Variants in CHD1L observed in about 807,000 individuals in gnomAD.
CHD1L encodes the protein chromodomain helicase DNA binding protein 1 like.
Under a neutral mutation model 115.9 loss-of-function variants are expected in CHD1L, and 118 were observed. That is an observed-to-expected ratio of 1.02 (90% confidence interval 0.88 to 1.19). The LOEUF is 1.19. Among genes scored for constraint, CHD1L ranks in the 50% most tolerant of loss-of-function variants. The pLI, the probability that CHD1L is intolerant of heterozygous loss-of-function variation, is 0.00. For synonymous variants in CHD1L, 411 were observed against 387.1 expected (o/e 1.06, Z -0.72); for missense variants, 1,179 against 1,065.3 (o/e 1.11, Z -1.49).
the CHD1L span, chr1:147,186,780 C>A: frequency 1.4e-6 from 2 of 1,479,248 alleles, no homozygotes; most frequent in Middle Eastern, 2.5e-4. Context: ...TTAATGCTTT[C>A]GAAAGAGACA....
chr1:147,174,818 GAGGAA>G, the CHD1L span: 1 of 151,996 alleles, frequency 6.6e-6, no homozygotes, highest in African/African-American at 2.4e-5. Context: ...TTTCTTTCTA[GAGGAA>G]AGGAAAAGAA....
Position 147,295,637 on chromosome 1 carries a change from C to T in CHD1L, c.*128C>T. 1.4e-6 allele frequency: 1 copy of T among 698,586 alleles called. No homozygotes were observed. The highest frequency in any genetic ancestry group is 2.3e-6 in the Non-Finnish European group (1 of 434,674). The allele number at this position is 698,586 out of a possible 1,614,324, so 43.3% of individuals were successfully genotyped here. On this transcript the variant is annotated 3_prime_UTR_variant, in exon 23 of 23. Coordinates refer to ENST00000369258, the MANE Select transcript of CHD1L (RefSeq NM_004284.6). ...CAGAAATTGTCTCTTTTCTGAGTTTCAGTTTGGTTCTCCTGGATGTTTTGC... is the reference window on the plus strand; with the variant it reads ...CAGAAATTGTCTCTTTTCTGAGTTTTAGTTTGGTTCTCCTGGATGTTTTGC...
intron 4 of CHD1L, among the ~76,000 whole-genome samples, chr1:147,256,313 TA>T (rs751661240): frequency 8.5e-4 from 130 of 152,258 alleles, no homozygotes; most frequent in Middle Eastern, 3.4e-3. Context: ...TTTTTCAGTC[TA>T]AGACAGTGTG....
chr1:147,183,167 C>T, the CHD1L span, among the ~76,000 whole-genome samples: 2 of 152,084 alleles, frequency 1.3e-5, no homozygotes, highest in African/African-American at 2.4e-5. Flanking sequence ...CACTGCACTC[C>T]AGCCTGGGCG....
At chr1:147,274,555 G>T (rs1553955915) in intron 12 of CHD1L, among the ~76,000 whole-genome samples, 1 of 152,122 alleles carries the variant, frequency 6.6e-6, no homozygotes, top group African/African-American at 2.4e-5. Context: ...CTGGCAAGAG[G>T]GAGTCTGTTT....
the CHD1L span, among the ~76,000 whole-genome samples, chr1:147,220,228 GTATAAACATAACAAAATATGTATAGGATT>G: frequency 6.6e-6 from 1 of 152,092 alleles, no homozygotes; most frequent in African/African-American, 2.4e-5. Flanking sequence ...ACATACGTAG[GTATAAACATAACAAAATATGTATAGGATT>G]TATAAGCATG....
intron 10 of CHD1L, among the ~76,000 whole-genome samples, chr1:147,269,620 G>C (rs886613171): frequency 7.8e-6 from 1 of 128,624 alleles, no homozygotes; most frequent in Non-Finnish European, 1.5e-5. Flanking sequence ...AGTGAGCCAA[G>C]ATCATGCCAC....
In CHD1L at chr1:147,291,548, A is replaced by C. The variant is rs1449356648; in HGVS notation, c.2387A>C (p.Asp796Ala). ...DDKESRNKGQDLLALIVAQHR... is the reference protein window; with the variant it reads ...DDKESRNKGQALLALIVAQHR... ...AAAGAATCAAGAAACAAAGGGCAAGATTTGGTAAGTAAAACCCATCTCTTC... is the reference window on the plus strand; with the variant it reads ...AAAGAATCAAGAAACAAAGGGCAAGCTTTGGTAAGTAAAACCCATCTCTTC... The change falls in exon 20 of 23, where the codon GAT becomes GCT. Residue 796 changes from aspartate (D) to alanine (A), a missense_variant. Asp to Ala is a moderately radical substitution (Grantham distance 126). Coordinates refer to ENST00000369258, the MANE Select transcript of CHD1L (RefSeq NM_004284.6). The C allele has an allele frequency of 5.0e-6, 8 of 1,613,290 alleles. No individual in the cohort carries two copies. The highest frequency in any genetic ancestry group is 1.3e-5 in the African/African-American group (1 of 74,884).
chr1:147,188,138 GA>G, the CHD1L span, among the ~76,000 whole-genome samples: 1 of 152,144 alleles, frequency 6.6e-6, no homozygotes, highest in Admixed American at 6.5e-5. Flanking sequence ...AAACAGTAAA[GA>G]ATTTGAGAGC....
At chr1:147,210,234 T>C in the CHD1L span, 2 of 152,218 alleles carry the variant, frequency 1.3e-5, no homozygotes, top group Admixed American at 6.5e-5. Context: ...AAATGTTTGA[T>C]TGATTATTTA....
At chr1:147,270,836 T>C in intron 10 of CHD1L, 96 bp from the exon 11 acceptor site, 1 of 967,778 alleles carries the variant, frequency 1.0e-6, no homozygotes, top group Non-Finnish European at 1.6e-6. Flanking sequence ...TTGGTATTTA[T>C]TTATAAACTT....
the CHD1L span, among the ~76,000 whole-genome samples, chr1:147,174,124 T>C: frequency 0.037 from 5,614 of 152,216 alleles, 148 homozygotes; most frequent in South Asian, 0.095. Context: ...TTGCTCTGCC[T>C]CTTATAAACT....
At chr1:147,258,382 C>T (rs1670804757) in intron 5 of CHD1L, among the ~76,000 whole-genome samples, 1 of 152,160 alleles carries the variant, frequency 6.6e-6, no homozygotes, top group African/African-American at 2.4e-5. Flanking sequence ...TTTTTGGACA[C>T]CTAAATGTCT....
At chr1:147,189,982 C>A in the CHD1L span, among the ~76,000 whole-genome samples, 1 of 152,130 alleles carries the variant, frequency 6.6e-6, no homozygotes, top group Admixed American at 6.5e-5. Context: ...TAAAACTTTT[C>A]TCTCTTTTCT....
the CHD1L span, chr1:147,179,205 C>T: frequency 1.2e-6 from 2 of 1,613,732 alleles, no homozygotes; most frequent in African/African-American, 1.3e-5. Flanking sequence ...TGAAGAGATA[C>T]CTGAAGTCTG....
the CHD1L span, among the ~76,000 whole-genome samples, chr1:147,211,970 T>C: frequency 6.6e-6 from 1 of 152,178 alleles, no homozygotes; most frequent in Non-Finnish European, 1.5e-5. Context: ...AGTGAAAAGT[T>C]TCCAATGATC....
intron 2 of CHD1L, among the ~76,000 whole-genome samples, chr1:147,253,799 A>G (rs920014333): frequency 2.0e-5 from 3 of 152,248 alleles, no homozygotes; most frequent in Non-Finnish European, 2.9e-5. Flanking sequence ...CACCCAGCCC[A>G]TGGTTGAAAT....
chr1:147,284,539 C>G lies in CHD1L; in HGVS notation c.1854+40C>G, dbSNP rs782676760. The G allele has an allele frequency of 2.1e-6, 3 of 1,462,964 alleles. No individual in the cohort carries two copies. The South Asian group carries it at 4.1e-5, about 20-fold the overall frequency. 90.6% of individuals were successfully genotyped at this position (1,462,964 alleles called of 1,614,324 possible). A position where few individuals can be genotyped will look rare whatever the true frequency, so the allele number is the denominator to read the frequency against. ...TTTATTTAAAAGTTGTTCTTCCAAA[C>G]TCTCATTCTAAAACAAACAAAAAAA... On this transcript the variant is annotated intron_variant, in intron 16 of 22. Coordinates refer to ENST00000369258, the MANE Select transcript of CHD1L (RefSeq NM_004284.6).
At chr1:147,184,281 C>A in the CHD1L span, 1 of 359,226 alleles carries the variant, frequency 2.8e-6, no homozygotes, top group Non-Finnish European at 4.7e-6. The surrounding 1 kb of genome is among the most constrained non-coding windows in gnomAD (Gnocchi z 4.4). Flanking sequence ...AGAAAAGTTG[C>A]AAAAATAGTA....
Sources: gnomAD v4.1 joint callset for allele counts (sites outside exome capture counted in the v4.1 genomes callset) on GRCh38, gnomAD v4.1.1 for gene constraint, Gnocchi (gnomAD v3.1) non-coding constraint, MANE v1.5 for transcripts, NCBI Gene and HGNC (gene_info 2026-07-23, HGNC 2026-07-21) for gene names.